CCAR1: variants seen among roughly 807,000 people sequenced by gnomAD.
The protein encoded by CCAR1 is cell division cycle and apoptosis regulator 1.
Under a neutral mutation model 163.8 loss-of-function variants are expected in CCAR1, and 78 were observed. The observed-to-expected ratio is 0.48, with a 90% CI of 0.40 to 0.57. CCAR1 has a LOEUF of 0.57. Among genes scored for constraint, CCAR1 ranks in the 20% least tolerant of loss-of-function variants. The probability of loss-of-function intolerance (pLI) is 0.00; values close to 1 mark genes in which losing one functional copy is unlikely to be tolerated. For missense variants in CCAR1, 1,019 were observed against 1,365.2 expected (o/e 0.75, Z 4.00); for synonymous variants, 443 against 460.7 (o/e 0.96, Z 0.49).
intron 2 of CCAR1, among the ~76,000 whole-genome samples, chr10:68,724,967 C>T (rs1004732891): frequency 2.0e-5 from 3 of 151,984 alleles, no homozygotes; most frequent in Admixed American, 6.6e-5. Context: ...GGAGAAACCC[C>T]GTCTCTACTA....
intron 16 of CCAR1, 49 bp downstream of exon 16, chr10:68,761,241 TA>T (rs1396120923): frequency 1.9e-6 from 2 of 1,058,828 alleles, no homozygotes; most frequent in Middle Eastern, 3.3e-4. Flanking sequence ...TATTCATGTA[TA>T]GGGTGTTCTT....
In CCAR1 at chr10:68,749,275, C is replaced by G. The variant is rs745680258; in HGVS notation, c.956+10C>G. The G allele has an allele frequency of 1.4e-4, 229 of 1,603,526 alleles. No homozygotes were observed. Among genetic ancestry groups the G allele is most frequent in the Non-Finnish European group, 1.9e-4 (222 of 1,176,072 alleles). ...GAAAAGATGATCGAAGGTATATTTT[C>G]TAAAGTGTACTGTGGATGGTGGCAA... On this transcript the variant is annotated intron_variant, in intron 9 of 24. Coordinates refer to ENST00000265872, the MANE Select transcript of CCAR1 (RefSeq NM_018237.4).
At chr10:68,777,758 C>T (rs1031769366) in intron 19 of CCAR1, among the ~76,000 whole-genome samples, 4 of 151,866 alleles carry the variant, frequency 2.6e-5, no homozygotes, top group East Asian at 3.9e-4. Context: ...ATGACGACAC[C>T]GTGTCTCTAC....
intron 5 of CCAR1, 139 bp downstream of exon 5, chr10:68,740,800 A>C (rs561284589): frequency 1.7e-6 from 1 of 593,886 alleles, no homozygotes; most frequent in African/African-American, 1.9e-5. Context: ...TGCTAAATAA[A>C]GGTAGTAGTA....
At chr10:68,726,282 G>A (rs1261773523) in intron 2 of CCAR1, among the ~76,000 whole-genome samples, 1 of 151,978 alleles carries the variant, frequency 6.6e-6, no homozygotes, top group African/African-American at 2.4e-5. Context: ...CTCCCAAGTA[G>A]CTGGGACTAT....
intron 2 of CCAR1, among the ~76,000 whole-genome samples, chr10:68,735,165 T>C (rs1269858335): frequency 2.0e-5 from 3 of 152,094 alleles, no homozygotes; most frequent in Non-Finnish European, 4.4e-5. Context: ...CTGGGAAACA[T>C]AAGGTGATCC....
chr10:68,765,753 T>C, intron 16 of CCAR1, 135 bp from the exon 17 acceptor site: 1 of 620,126 alleles, frequency 1.6e-6, no homozygotes, highest in Non-Finnish European at 2.8e-6. Context: ...TTATGGTTTG[T>C]ATAAGTACCA....
chr10:68,744,591 TTG>T (rs1218839939), intron 6 of CCAR1, among the ~76,000 whole-genome samples: 2 of 152,234 alleles, frequency 1.3e-5, no homozygotes, highest in African/African-American at 4.8e-5. Flanking sequence ...TTTGTAGTGT[TTG>T]TAGGAAATAC....
At chr10:68,780,496 A>G (rs1020438784) in intron 19 of CCAR1, among the ~76,000 whole-genome samples, 1 of 152,222 alleles carries the variant, frequency 6.6e-6, no homozygotes, top group Admixed American at 6.5e-5. Flanking sequence ...CCCAGCCATT[A>G]GAACATTTGC....
Position 68,754,035 on chromosome 10 carries a change from C to T in CCAR1, c.1302C>T (p.Ala434=). ...REVESLEKNM[A]ILDPPDADHL... ...TAGAGTCCTTAGAAAAAAATATGGC[C>T]ATTCTTGATCCACCAGATGCTGACC... Residue 434 remains alanine (A), a synonymous_variant, in exon 11 of 25, where the codon GCC becomes GCT. Transcript: ENST00000265872. 1 of 1,613,764 alleles carries T rather than the reference C, an allele frequency of 6.2e-7. No homozygotes were observed. The highest frequency in any genetic ancestry group is 8.5e-7 in the Non-Finnish European group (1 of 1,179,796).
intron 16 of CCAR1, among the ~76,000 whole-genome samples, chr10:68,763,818 C>T (rs1406658208): frequency 6.6e-6 from 1 of 152,116 alleles, no homozygotes; most frequent in African/African-American, 2.4e-5. Context: ...GTTATGTGCC[C>T]TTTTGACATA....
At chr10:68,788,439 T>G in intron 23 of CCAR1, 111 bp downstream of exon 23, 1 of 588,890 alleles carries the variant, frequency 1.7e-6, no homozygotes, top group Non-Finnish European at 2.6e-6. Flanking sequence ...TGCATATGCA[T>G]ACCAGATATT....
intron 16 of CCAR1, among the ~76,000 whole-genome samples, chr10:68,762,671 T>C (rs1475307723): frequency 1.3e-5 from 2 of 152,226 alleles, no homozygotes; most frequent in Non-Finnish European, 2.9e-5. Flanking sequence ...TTATGAAGAA[T>C]TACTTCCAGA....
At chr10:68,764,104 A>G (rs1488460999) in intron 16 of CCAR1, among the ~76,000 whole-genome samples, 1 of 152,216 alleles carries the variant, frequency 6.6e-6, no homozygotes, top group Non-Finnish European at 1.5e-5. Flanking sequence ...TTATTTCTAT[A>G]TCTTACACAT....
intron 6 of CCAR1, among the ~76,000 whole-genome samples, chr10:68,746,105 T>G (rs756571672): frequency 6.6e-6 from 1 of 151,512 alleles, no homozygotes. Flanking sequence ...CTCAAGTAGC[T>G]GGGATCACAG....
intron 10 of CCAR1, among the ~76,000 whole-genome samples, chr10:68,750,344 C>G (rs1223486508): frequency 6.6e-6 from 1 of 151,806 alleles, no homozygotes; most frequent in Non-Finnish European, 1.5e-5. Flanking sequence ...GCCTCAGCCT[C>G]CCTAGTAGCT....
chr10:68,741,989 A>G (rs2056189942), intron 5 of CCAR1, among the ~76,000 whole-genome samples: 1 of 152,196 alleles, frequency 6.6e-6, no homozygotes, highest in Admixed American at 6.6e-5. Flanking sequence ...AAACAATAGA[A>G]GTTCTTTTGT....
chr10:68,740,992 C>T (rs1273254727), intron 5 of CCAR1, among the ~76,000 whole-genome samples: 1 of 151,856 alleles, frequency 6.6e-6, no homozygotes, highest in Non-Finnish European at 1.5e-5. Flanking sequence ...CGGCTCACTG[C>T]AATCTCTGCC....
intron 24 of CCAR1, 105 bp from the exon 25 acceptor site, chr10:68,791,102 A>G (rs2056847670): frequency 3.6e-6 from 2 of 553,980 alleles, no homozygotes; most frequent in African/African-American, 2.0e-5. Flanking sequence ...GTTCTTTATC[A>G]CTAGAAAAAA....
Sources: gnomAD v4.1 joint callset for allele counts (sites outside exome capture counted in the v4.1 genomes callset) on GRCh38, gnomAD v4.1.1 for gene constraint, MANE v1.5 for transcripts, NCBI Gene and HGNC (gene_info 2026-07-23, HGNC 2026-07-21) for gene names.